The following FEM1B variants were observed in gnomAD, a reference collection of about 807,000 sequenced individuals.
The protein encoded by FEM1B is protein fem-1 homolog B.
In FEM1B, 10 loss-of-function variants were observed where a neutral mutation model predicts 38.6. That is an observed-to-expected ratio of 0.26 (90% CI 0.16 to 0.44). FEM1B has a LOEUF of 0.44. Among genes scored for constraint, FEM1B ranks in the 20% least tolerant of loss-of-function variants. The pLI is 1.00. For missense variants in FEM1B, 471 were observed against 786.7 expected (o/e 0.60, Z 4.80); for synonymous variants, 288 against 288.0 (o/e 1.00, Z 0.00).
intron 1 of FEM1B, among the ~76,000 whole-genome samples, chr15:68,286,272 A>T (rs1056989978): frequency 2.7e-5 from 4 of 148,092 alleles, no homozygotes; most frequent in Non-Finnish European, 6.0e-5. Flanking sequence ...GCCAGCACTT[A>T]TTTTAATTAC....
chr15:68,282,897 A>G (rs1237900798), intron 1 of FEM1B, among the ~76,000 whole-genome samples: 1 of 152,234 alleles, frequency 6.6e-6, no homozygotes, highest in Non-Finnish European at 1.5e-5. Context: ...ATTTAGATGT[A>G]GAAATTCTAA....
rs1241216149 is a variant in FEM1B at position 68,278,372 on chromosome 15, A to G, written c.-46A>G. The G allele has an allele frequency of 6.3e-7, 1 of 1,580,600 alleles. No homozygotes were observed. The highest frequency in any genetic ancestry group is 8.6e-7 in the Non-Finnish European group (1 of 1,162,612). On this transcript the variant is annotated 5_prime_UTR_variant, in exon 1 of 2. Transcript: ENST00000306917. This position sits in a 1 kb window ranked among gnomAD's most constrained non-coding sequence, Gnocchi z 5.7. ...AACGCGGCCTCCGGGGGCGCACGGC[A>G]GCTGCAGCGGTGGCGACCAAACGGG... is the stretch of plus-strand genomic sequence containing the variant.
At position 68,291,447 on chromosome 15, in the gene FEM1B, T is replaced by C; in HGVS notation, c.*205T>C. 1.9e-6 allele frequency: 1 copy of C among 526,054 alleles called. No individual in the cohort carries two copies. The highest frequency in any genetic ancestry group is 3.0e-5 in the East Asian group (1 of 33,260). 32.6% of individuals were successfully genotyped at this position (526,054 alleles called of 1,614,324 possible). A position where few individuals can be genotyped will look rare whatever the true frequency, so the allele number is the denominator to read the frequency against. ...CTTTAACAAAACCACATTGTTTTGG[T>C]GTAACTATAAGGTATTTGCATATTG... is the stretch of plus-strand genomic sequence containing the variant. On this transcript the variant is annotated 3_prime_UTR_variant, in exon 2 of 2. Coordinates refer to ENST00000306917, the MANE Select transcript of FEM1B (RefSeq NM_015322.5). This position sits in a 1 kb window ranked among gnomAD's most constrained non-coding sequence, Gnocchi z 6.9.
In FEM1B at chr15:68,294,890, G is replaced by A. The variant is rs981321720; in HGVS notation, c.*3648G>A. On this transcript the variant is annotated 3_prime_UTR_variant, in exon 2 of 2. Transcript: ENST00000306917. The surrounding 1 kb of genome is among the most constrained non-coding windows in gnomAD (Gnocchi z 4.4). The stretch of plus-strand genomic sequence containing the variant: ...ATTTTTAGTCCAGAGGTTTTAAGCT[G>A]TGTGTCCATTCCTACTCTGAAAATG... 6.6e-6 allele frequency: 1 copy of A among 152,080 alleles called. No homozygotes were observed. The highest frequency in any genetic ancestry group is 2.4e-5 in the African/African-American group (1 of 41,352). The allele number at this position is 152,080 out of a possible 1,614,324, so 9.4% of individuals were successfully genotyped here. A position where few individuals can be genotyped will look rare whatever the true frequency, so the allele number is the denominator to read the frequency against.
In FEM1B at chr15:68,288,973, A is replaced by G. The variant is rs1892818309; in HGVS notation, c.249-634A>G. Among the ~76,000 whole-genome samples, 1 of 152,182 alleles carries G rather than the reference A, an allele frequency of 6.6e-6. No individual in the cohort carries two copies. The highest frequency in any genetic ancestry group is 1.5e-5 in the Non-Finnish European group (1 of 68,044). The stretch of plus-strand genomic sequence containing the variant: ...CTCACTTCTAACACTGCAGATAGGT[A>G]TGTAAATGTAATAATATAATATGTG... On this transcript the variant is annotated intron_variant, in intron 1 of 1. Coordinates refer to ENST00000306917, the MANE Select transcript of FEM1B (RefSeq NM_015322.5). This position sits in a 1 kb window ranked among gnomAD's most constrained non-coding sequence, Gnocchi z 4.6.
chr15:68,278,700 G>A lies in FEM1B; in HGVS notation c.248+35G>A, dbSNP rs745493809. On this transcript the variant is annotated intron_variant, in intron 1 of 1. Transcript: ENST00000306917. The surrounding 1 kb of genome is among the most constrained non-coding windows in gnomAD (Gnocchi z 5.7). ...TCCCAAGCCAGCCTCTCTCCGACGC[G>A]CGCGGACTCGTTAATTCACGGGCCC... is the stretch of plus-strand genomic sequence containing the variant. 6.2e-7 allele frequency: 1 copy of A among 1,609,688 alleles called. No homozygotes were observed. The highest frequency in any genetic ancestry group is 2.2e-5 in the East Asian group (1 of 44,778).
Position 68,280,024 on chromosome 15 carries a change from A to G in FEM1B, c.248+1359A>G, listed in dbSNP as rs894701702. ...GAACCTCCAGTACCGTTCCACCTGT[A>G]TAGGCATATGAAGTCATTGAGATAT... On this transcript the variant is annotated intron_variant, in intron 1 of 1. Transcript: ENST00000306917. This position sits in a 1 kb window ranked among gnomAD's most constrained non-coding sequence, Gnocchi z 4.2. 5.9e-5 allele frequency: 9 copies of G among 152,266 alleles called. No individual in the cohort carries two copies. The highest frequency in any genetic ancestry group is 2.2e-4 in the African/African-American group (9 of 41,464). 9.4% of individuals were successfully genotyped at this position (152,266 alleles called of 1,614,324 possible).
In FEM1B at chr15:68,281,726, T is replaced by G. The variant is rs935245562; in HGVS notation, c.248+3061T>G. ...TCTGCCTTCCGGGTTCATGCCATTC[T>G]CCTGCCTCAGCCTCCCGAGTAGCTG... On this transcript the variant is annotated intron_variant, in intron 1 of 1. Coordinates refer to ENST00000306917, the MANE Select transcript of FEM1B (RefSeq NM_015322.5). This position sits in a 1 kb window ranked among gnomAD's most constrained non-coding sequence, Gnocchi z 5.1. Among the ~76,000 whole-genome samples the G allele has an allele frequency of 1.3e-5, 2 of 152,198 alleles. No individual in the cohort carries two copies. Among genetic ancestry groups the G allele is most frequent in the African/African-American group, 4.8e-5 (2 of 41,442 alleles).
intron 1 of FEM1B, among the ~76,000 whole-genome samples, chr15:68,283,494 T>G (rs1892749256): frequency 8.7e-6 from 1 of 114,332 alleles, no homozygotes; most frequent in Non-Finnish European, 1.6e-5. Context: ...TGAGACCTCA[T>G]CTCTACCTAA....
chr15:68,279,201 C>T (rs1248510499), intron 1 of FEM1B, among the ~76,000 whole-genome samples: 1 of 152,190 alleles, frequency 6.6e-6, no homozygotes, highest in African/African-American at 2.4e-5. Context: ...GGGATTGTCA[C>T]GCAGCCAGAC....
rs1215569318 is a variant in FEM1B, at chr15:68,289,599, A to G, written c.249-8A>G. ...TGTTATCTAACTGCTTATTCTTTTC[A>G]TGTGTAGGTATGTCATTGATGGTGC... On this transcript the variant is annotated splice_region_variant and splice_polypyrimidine_tract_variant and intron_variant, in intron 1 of 1. Coordinates refer to ENST00000306917, the MANE Select transcript of FEM1B (RefSeq NM_015322.5). This position sits in a 1 kb window ranked among gnomAD's most constrained non-coding sequence, Gnocchi z 6.9. 19 of 1,609,824 alleles carry G rather than the reference A, an allele frequency of 1.2e-5. No individual in the cohort carries two copies. The highest frequency in any genetic ancestry group is 1.4e-5 in the Non-Finnish European group (17 of 1,176,878).
At position 68,289,476 on chromosome 15, in the gene FEM1B, T is replaced by C. The variant is rs753926574; in HGVS notation, c.249-131T>C. 22 of 662,000 alleles carry C rather than the reference T, an allele frequency of 3.3e-5. No homozygotes were observed. The highest frequency in any genetic ancestry group is 4.1e-4 in the Middle Eastern group (1 of 2,438). 41.0% of individuals were successfully genotyped at this position (662,000 alleles called of 1,614,324 possible). ...GCTTTCCTTAAATTACCTGTTTTTA[T>C]TTTCATGAGAACTGATGTTTTATTA... On this transcript the variant is annotated intron_variant, in intron 1 of 1. Coordinates refer to ENST00000306917, the MANE Select transcript of FEM1B (RefSeq NM_015322.5). The surrounding 1 kb of genome is among the most constrained non-coding windows in gnomAD (Gnocchi z 6.9).
chr15:68,289,493 G>GTT lies in FEM1B; in HGVS notation c.249-111_249-110dup. ...TGTTTTTATTTTCATGAGAACTGAT[G>GTT]TTTTATTAATGTTCTGGAGAGTGAG... On this transcript the variant is annotated intron_variant, in intron 1 of 1. Transcript: ENST00000306917. The surrounding 1 kb of genome is among the most constrained non-coding windows in gnomAD (Gnocchi z 6.9). The GTT allele has an allele frequency of 1.4e-6, 1 of 703,896 alleles. No individual in the cohort carries two copies. The highest frequency in any genetic ancestry group is 2.4e-6 in the Non-Finnish European group (1 of 420,330). The allele number at this position is 703,896 out of a possible 1,614,324, so 43.6% of individuals were successfully genotyped here. A position where few individuals can be genotyped will look rare whatever the true frequency, so the allele number is the denominator to read the frequency against.
intron 1 of FEM1B, among the ~76,000 whole-genome samples, chr15:68,283,668 G>A (rs1390862057): frequency 6.6e-6 from 1 of 151,942 alleles, no homozygotes; most frequent in Admixed American, 6.6e-5. Flanking sequence ...GCAAGACCCT[G>A]TTTCAAAACA....
rs556776903 is a variant in FEM1B at position 68,285,384 on chromosome 15, G to A, written c.249-4223G>A. On this transcript the variant is annotated intron_variant, in intron 1 of 1. Transcript: ENST00000306917. ...AGTTATCTGGTATATATCAAGGAGT[G>A]GAATTGCTGGGTCATCAGGTAGGTG... Among the ~76,000 whole-genome samples the A allele has an allele frequency of 1.3e-5, 2 of 152,272 alleles. 1 individual carries two copies. The highest frequency in any genetic ancestry group is 4.1e-4 in the South Asian group (2 of 4,830).
chr15:68,279,762 T>C (rs1304987079), intron 1 of FEM1B, among the ~76,000 whole-genome samples: 2 of 152,190 alleles, frequency 1.3e-5, no homozygotes, highest in Non-Finnish European at 2.9e-5. Context: ...AAGCTTTTTC[T>C]TCTATTTTAG....
chr15:68,281,406 T>C lies in FEM1B; in HGVS notation c.248+2741T>C, dbSNP rs1892724641. On this transcript the variant is annotated intron_variant, in intron 1 of 1. Transcript: ENST00000306917. This position sits in a 1 kb window ranked among gnomAD's most constrained non-coding sequence, Gnocchi z 5.1. ...AGTTGTCTTCAGAATGTTTTACTTC[T>C]TAGCTTCATCCCATGTAATTATGGG... Among the ~76,000 whole-genome samples the C allele has an allele frequency of 6.6e-6, 1 of 152,262 alleles. No individual in the cohort carries two copies. Among genetic ancestry groups the C allele is most frequent in the Non-Finnish European group, 1.5e-5 (1 of 68,046 alleles).
Position 68,284,620 on chromosome 15 carries a change from C to A in FEM1B, c.249-4987C>A, listed in dbSNP as rs113968932. On this transcript the variant is annotated intron_variant, in intron 1 of 1. Transcript: ENST00000306917. This position sits in a 1 kb window ranked among gnomAD's most constrained non-coding sequence, Gnocchi z 4.4. The stretch of plus-strand genomic sequence containing the variant: ...ACATCCATCTAGTCACTCTCTAGAT[C>A]AATGTGTAGAACACTTTATCACTCT... Among the ~76,000 whole-genome samples, 2 of 152,234 alleles carry A rather than the reference C, an allele frequency of 1.3e-5. No homozygotes were observed. The highest frequency in any genetic ancestry group is 2.9e-5 in the Non-Finnish European group (2 of 68,018).
Position 68,288,138 on chromosome 15 carries a change from CTT to C in FEM1B, c.249-1468_249-1467del, listed in dbSNP as rs1445437171. ...AGCCACCATGCCAGGCCTAACGCCT[CTT>C]GTGTGTGGTCCTTAATTTCATTCAC... On this transcript the variant is annotated intron_variant, in intron 1 of 1. Coordinates refer to ENST00000306917, the MANE Select transcript of FEM1B (RefSeq NM_015322.5). This position sits in a 1 kb window ranked among gnomAD's most constrained non-coding sequence, Gnocchi z 4.6. Among the ~76,000 whole-genome samples the C allele has an allele frequency of 7.2e-5, 11 of 152,194 alleles. No individual in the cohort carries two copies. Among genetic ancestry groups the C allele is most frequent in the Admixed American group, 7.2e-4 (11 of 15,276 alleles).
Sources: allele counts gnomAD v4.1 joint callset (sites outside exome capture counted in the v4.1 genomes callset), GRCh38; gene constraint gnomAD v4.1.1; non-coding constraint Gnocchi (gnomAD v3.1); transcripts MANE v1.5; gene names NCBI Gene and HGNC (gene_info 2026-07-23, HGNC 2026-07-21).